Variants in OSBP2 observed in about 807,000 individuals in gnomAD.
The protein encoded by OSBP2 is oxysterol binding protein 2.
OSBP2 carries 66 observed loss-of-function variants against 96.0 expected under a neutral mutation model. The observed-to-expected ratio is 0.69, with a 90% CI of 0.56 to 0.84. OSBP2 has a LOEUF of 0.84. Ranked by LOEUF, OSBP2 falls within the 40% of genes least tolerant of loss-of-function variation. The probability of loss-of-function intolerance (pLI) is 0.00; values close to 1 mark genes in which losing one functional copy is unlikely to be tolerated. For synonymous variants in OSBP2, 525 were observed against 520.9 expected, an observed-to-expected ratio of 1.01 and a Z score of -0.11; for missense variants, 1,038 against 1,222.7, an observed-to-expected ratio of 0.85 and a Z score of 2.25.
intron 3 of OSBP2, among the ~76,000 whole-genome samples, chr22:30,877,861 G>A (rs2039617663): frequency 6.6e-6 from 1 of 152,246 alleles, no homozygotes; most frequent in African/African-American, 2.4e-5. Flanking sequence ...CTGACCACAT[G>A]ACCCCCTGTG....
At chr22:30,722,108 AC>A (rs1199708070) in intron 1 of OSBP2, among the ~76,000 whole-genome samples, 1 of 151,880 alleles carries the variant, frequency 6.6e-6, no homozygotes, top group African/African-American at 2.4e-5. Flanking sequence ...TGCCCTAGAG[AC>A]CCTGCCAGCT....
intron 1 of OSBP2, among the ~76,000 whole-genome samples, chr22:30,711,343 A>AT (rs2089345622): frequency 6.6e-6 from 1 of 152,062 alleles, no homozygotes. Flanking sequence ...ACATATATAT[A>AT]TAAATACATT....
intron 3 of OSBP2, among the ~76,000 whole-genome samples, chr22:30,884,938 G>A (rs946860500): frequency 3.9e-5 from 6 of 152,210 alleles, no homozygotes; most frequent in Admixed American, 1.3e-4. Context: ...TCTGACTGAG[G>A]GGCAGGCCGT....
At chr22:30,715,377 T>TG (rs1156902402) in intron 1 of OSBP2, among the ~76,000 whole-genome samples, 2 of 151,404 alleles carry the variant, frequency 1.3e-5, no homozygotes, top group African/African-American at 4.9e-5. Flanking sequence ...TCTTTTTTTT[T>TG]TTTTGGCCAG....
intron 3 of OSBP2, among the ~76,000 whole-genome samples, chr22:30,872,805 C>A (rs1028938886): frequency 6.6e-6 from 1 of 152,230 alleles, no homozygotes; most frequent in African/African-American, 2.4e-5. Flanking sequence ...AGCCACTCCT[C>A]GCCTGGCAGG....
intron 2 of OSBP2, among the ~76,000 whole-genome samples, chr22:30,813,708 A>G (rs2091042214): frequency 6.6e-6 from 1 of 152,120 alleles, no homozygotes; most frequent in Non-Finnish European, 1.5e-5. Flanking sequence ...CTTGATGGAC[A>G]TTGAGATTGA....
chr22:30,901,444 G>T (rs1313146456), intron 12 of OSBP2, among the ~76,000 whole-genome samples: 2 of 152,180 alleles, frequency 1.3e-5, no homozygotes, highest in East Asian at 3.8e-4. Context: ...CAAGAATTTT[G>T]CAGAAAAAAC....
At chr22:30,873,932 G>A (rs917351375) in intron 3 of OSBP2, among the ~76,000 whole-genome samples, 2 of 152,094 alleles carry the variant, frequency 1.3e-5, no homozygotes, top group Non-Finnish European at 2.9e-5. Context: ...GGGTTGTTCC[G>A]GCTTCAGGAG....
Position 30,725,068 on chromosome 22 carries a change from C to T in OSBP2, c.645-16093C>T, listed in dbSNP as rs1203426728. ...GCAGGCGCCTGTAGTCCCAGCTACT[C>T]GGGAGGCTGAGGCAGGAGAATGGCG... On this transcript the variant is annotated intron_variant, in intron 1 of 13. Transcript: ENST00000332585. Among the ~76,000 whole-genome samples the T allele has an allele frequency of 8.0e-5, 12 of 150,168 alleles. No homozygotes were observed. In the East Asian group the frequency reaches 2.4e-3, roughly 30 times the overall value.
Position 30,853,477 on chromosome 22 carries a change from T to C in OSBP2, c.854-16952T>C, listed in dbSNP as rs531794730. 2.6e-5 allele frequency among the ~76,000 whole-genome samples: 4 copies of C among 152,372 alleles called. No homozygotes were observed. The South Asian group carries it at 8.3e-4, about 32-fold the overall frequency. On this transcript the variant is annotated intron_variant, in intron 2 of 13. Transcript: ENST00000332585. ...TTTTACCCTATTTGTATCATTATAT[T>C]TAAAGTGTATTTCTTACAGAAAACA...
chr22:30,725,641 T>C (rs2089636793), intron 1 of OSBP2, among the ~76,000 whole-genome samples: 1 of 152,014 alleles, frequency 6.6e-6, no homozygotes, highest in South Asian at 2.1e-4. Flanking sequence ...TTTCCTGATC[T>C]CCTCCCCTTT....
chr22:30,802,298 C>A (rs534079137), intron 2 of OSBP2, among the ~76,000 whole-genome samples: 1 of 152,350 alleles, frequency 6.6e-6, no homozygotes, highest in South Asian at 2.1e-4. Flanking sequence ...TGTCATCAGG[C>A]TCTAGCAGTC....
intron 2 of OSBP2, among the ~76,000 whole-genome samples, chr22:30,746,816 A>C (rs1202199480): frequency 1.3e-5 from 2 of 152,154 alleles, no homozygotes; most frequent in African/African-American, 4.8e-5. Context: ...TTAATTACTA[A>C]TTTTATGAGG....
Position 30,718,875 on chromosome 22 carries a change from G to A in OSBP2, c.645-22286G>A, listed in dbSNP as rs1028918977. On this transcript the variant is annotated intron_variant, in intron 1 of 13. Coordinates refer to ENST00000332585, the MANE Select transcript of OSBP2 (RefSeq NM_030758.4). ...TGGTTCTCAGACTTGGGAGCCTTGC[G>A]GGCAGACTGAGTGGGGACTTTTTGC... Among the ~76,000 whole-genome samples the A allele has an allele frequency of 4.6e-5, 7 of 152,182 alleles. No homozygotes were observed. The East Asian group carries it at 5.8e-4, about 13-fold the overall frequency.
chr22:30,747,950 T>G (rs1256739015), intron 2 of OSBP2, among the ~76,000 whole-genome samples: 1 of 152,042 alleles, frequency 6.6e-6, no homozygotes, highest in Non-Finnish European at 1.5e-5. Flanking sequence ...GGTATGATCT[T>G]GGCTCACTGC....
In OSBP2 at chr22:30,708,478, A is replaced by ATTTTTTTTT. The variant is rs56361178; in HGVS notation, c.644+12945_644+12953dup. ...CAGTATATATCTCTAAAGGATAAGG[A>ATTTTTTTTT]TTTTTTTTTTTTTTTTTTTTTTTTT... On this transcript the variant is annotated intron_variant, in intron 1 of 13. Coordinates refer to ENST00000332585, the MANE Select transcript of OSBP2 (RefSeq NM_030758.4). Among the ~76,000 whole-genome samples the ATTTTTTTTT allele has an allele frequency of 5.5e-4, 35 of 63,476 alleles. 7 individuals are homozygous for ATTTTTTTTT. The highest frequency in any genetic ancestry group is 6.7e-4 in the Non-Finnish European group (25 of 37,354). The allele number at this position is 63,476 out of a possible 152,430, so 41.6% of individuals were successfully genotyped here. A position where few individuals can be genotyped will look rare whatever the true frequency, so the allele number is the denominator to read the frequency against.
chr22:30,832,631 C>A (rs895569069), intron 2 of OSBP2, among the ~76,000 whole-genome samples: 14 of 152,288 alleles, frequency 9.2e-5, no homozygotes, highest in South Asian at 2.1e-4. Flanking sequence ...CAGTTGGAAT[C>A]ATTGTTTGGA....
At chr22:30,713,705 C>T (rs1474493904) in intron 1 of OSBP2, among the ~76,000 whole-genome samples, 1 of 152,134 alleles carries the variant, frequency 6.6e-6, no homozygotes, top group East Asian at 1.9e-4. Context: ...TCAAGTGATC[C>T]TCCCATCTTG....
Position 30,694,948 on chromosome 22 carries a change from T to C in OSBP2, c.39T>C (p.Cys13=). ...KAAAPSRGGG[C]GGRSRGLSSL... ...CGGCTCCGAGCCGAGGCGGCGGCTG[T>C]GGCGGCCGCTCCCGCGGGCTCTCGT... Residue 13 remains cysteine (C), a synonymous_variant, in exon 1 of 14, where the codon TGT becomes TGC. Coordinates refer to ENST00000332585, the MANE Select transcript of OSBP2 (RefSeq NM_030758.4). The C allele has an allele frequency of 6.8e-7, 1 of 1,476,380 alleles. No individual in the cohort carries two copies. Among genetic ancestry groups the C allele is most frequent in the South Asian group, 1.4e-5 (1 of 72,860 alleles). 91.5% of individuals were successfully genotyped at this position (1,476,380 alleles called of 1,614,324 possible). A position where few individuals can be genotyped will look rare whatever the true frequency, so the allele number is the denominator to read the frequency against.
Sources: gnomAD v4.1 joint callset for allele counts (sites outside exome capture counted in the v4.1 genomes callset) on GRCh38, gnomAD v4.1.1 for gene constraint, MANE v1.5 for transcripts, NCBI Gene and HGNC (gene_info 2026-07-23, HGNC 2026-07-21) for gene names.